TTLL12: variants seen among roughly 807,000 people sequenced by gnomAD.
TTLL12 encodes the protein tubulin--tyrosine ligase-like protein 12.
TTLL12 carries 77 observed loss-of-function variants against 79.6 expected under a neutral mutation model. That is an observed-to-expected ratio of 0.97 (90% confidence interval 0.81 to 1.17). The LOEUF is 1.17. Ranked by LOEUF, TTLL12 falls within the 50% of genes most tolerant of loss-of-function variation. TTLL12 has a pLI of 0.00. For synonymous variants in TTLL12, 437 were observed against 376.1 expected (o/e 1.16, Z -1.87); for missense variants, 969 against 895.9 (o/e 1.08, Z -1.04).
At chr22:43,168,534 C>T (rs911839511) in intron 13 of TTLL12, among the ~76,000 whole-genome samples, 4 of 152,150 alleles carry the variant, frequency 2.6e-5, no homozygotes, top group African/African-American at 4.8e-5. Flanking sequence ...GCCTTTCACA[C>T]GGGTCTCCTG....
rs1190605380 is a variant in TTLL12, at chr22:43,186,889, G to A, written c.177+4C>T. The A allele has an allele frequency of 1.6e-6, 2 of 1,283,124 alleles. No homozygotes were observed. The highest frequency in any genetic ancestry group is 4.2e-5 in the Admixed American group (1 of 23,768). 79.5% of individuals were successfully genotyped at this position (1,283,124 alleles called of 1,614,324 possible). On this transcript the variant is annotated splice_donor_region_variant and intron_variant, in intron 1 of 13. Transcript: ENST00000216129. The stretch of plus-strand genomic sequence containing the variant: ...CCGCACGTGCCCGCCGCCCTTCCCC[G>A]CACCTCGTGCTCCAGCTTGTGCAGG...
At chr22:43,183,958 T>A (rs764603097) in intron 1 of TTLL12, among the ~76,000 whole-genome samples, 80 of 152,242 alleles carry the variant, frequency 5.3e-4, no homozygotes, top group Non-Finnish European at 8.5e-4. Context: ...ATCCACACAA[T>A]GGGAATAACA....
At chr22:43,177,417 T>C (rs916146193) in intron 5 of TTLL12, among the ~76,000 whole-genome samples, 1 of 152,174 alleles carries the variant, frequency 6.6e-6, no homozygotes, top group Non-Finnish European at 1.5e-5. Context: ...ACAAACTCTT[T>C]GACACTATCT....
intron 13 of TTLL12, 122 bp downstream of exon 13, chr22:43,168,652 G>C (rs1308551656): frequency 7.2e-6 from 10 of 1,396,650 alleles, no homozygotes; most frequent in Non-Finnish European, 9.7e-6. Flanking sequence ...CCCCAACCCA[G>C]ATTCCTGGCT....
At chr22:43,171,559 C>A (rs576359360) in intron 11 of TTLL12, 278 of 425,474 alleles carry the variant, frequency 6.5e-4, no homozygotes, top group East Asian at 1.2e-4. Context: ...TGCTGCTGGA[C>A]CCATCCCCCT....
chr22:43,186,072 C>T, intron 1 of TTLL12: 1 of 952,250 alleles, frequency 1.1e-6, no homozygotes, highest in Non-Finnish European at 1.3e-6. Context: ...TCCTAGTTCC[C>T]GGCCCGGGTC....
rs1182303769 is a variant in TTLL12, at chr22:43,167,444, G to A, written c.*564C>T. The A allele has an allele frequency of 1.0e-5, 3 of 290,010 alleles. No individual in the cohort carries two copies. The highest frequency in any genetic ancestry group is 9.9e-5 in the Admixed American group (2 of 20,124). The allele number at this position is 290,010 out of a possible 1,614,324, so 18.0% of individuals were successfully genotyped here. ...TGATAAGGCGGGCTTGCTGGGTGGT[G>A]GCCTCAGGCTGTTCCTGGGCCCCTG... On this transcript the variant is annotated 3_prime_UTR_variant, in exon 14 of 14. Coordinates refer to ENST00000216129, the MANE Select transcript of TTLL12 (RefSeq NM_015140.4).
At chr22:43,171,971 C>G in intron 10 of TTLL12, 71 bp from the exon 11 acceptor site, 1 of 1,326,058 alleles carries the variant, frequency 7.5e-7, no homozygotes. Context: ...GTGCCACCCA[C>G]TCAGCCTTCC....
intron 9 of TTLL12, 132 bp from the exon 10 acceptor site, chr22:43,172,686 A>G: frequency 2.1e-6 from 2 of 949,628 alleles, no homozygotes; most frequent in Non-Finnish European, 1.5e-6. Flanking sequence ...AAACCTGCCT[A>G]AGTTGCTGCA....
chr22:43,172,576 T>C, intron 9 of TTLL12, 22 bp from the exon 10 acceptor site: 1 of 1,613,758 alleles, frequency 6.2e-7, no homozygotes, highest in South Asian at 1.1e-5. Context: ...AGGTGCAAGC[T>C]CGCTGGTGGC....
chr22:43,186,031 T>C (rs1447941903), intron 1 of TTLL12: 5 of 985,430 alleles, frequency 5.1e-6, no homozygotes, highest in Non-Finnish European at 6.0e-6. Context: ...TCAGAGACCG[T>C]AGAGTCTGGC....
rs1219697882 is a variant in TTLL12, at chr22:43,187,060, C to G, written c.10G>C (p.Glu4Gln). Residue 4 changes from glutamate (E) to glutamine (Q), a missense_variant, in exon 1 of 14, where the codon GAG becomes CAG. Physicochemically the swap from Glu to Gln is conservative, Grantham distance 29 (BLOSUM62 2). Transcript: ENST00000216129. ...GCAGGCCGGCGCTCGGGACCCCGCTCGGCCTCCATGGCGCCAGCACCCGCG... is the reference window on the plus strand; with the variant it reads ...GCAGGCCGGCGCTCGGGACCCCGCTGGGCCTCCATGGCGCCAGCACCCGCG... MEA[E>Q]RGPERRPAER... is the part of the protein sequence containing the mutation. 9 of 1,181,738 alleles carry G rather than the reference C, an allele frequency of 7.6e-6. No individual in the cohort carries two copies. The African/African-American group carries it at 9.7e-5, about 13-fold the overall frequency. 73.2% of individuals were successfully genotyped at this position (1,181,738 alleles called of 1,614,324 possible).
intron 6 of TTLL12, among the ~76,000 whole-genome samples, 153 bp downstream of exon 6, chr22:43,176,167 C>G (rs1378977287): frequency 5.3e-5 from 8 of 152,120 alleles, no homozygotes; most frequent in African/African-American, 1.9e-4. Context: ...AACTCCACTC[C>G]CTGCACGTGT....
At chr22:43,180,024 C>T in intron 3 of TTLL12, 24 bp from the exon 4 acceptor site, 2 of 1,554,574 alleles carry the variant, frequency 1.3e-6, no homozygotes, top group South Asian at 2.4e-5. Context: ...ACATATGGCA[C>T]CTCTCGCTCA....
chr22:43,174,063 T>C (rs940974807), intron 8 of TTLL12, 146 bp downstream of exon 8: 1 of 1,189,160 alleles, frequency 8.4e-7, no homozygotes, highest in Non-Finnish European at 1.2e-6. Context: ...CTGCGGTCCG[T>C]GAAGACGGCC....
At chr22:43,181,036 C>A in intron 2 of TTLL12, 96 bp from the exon 3 acceptor site, 1 of 1,370,122 alleles carries the variant, frequency 7.3e-7, no homozygotes, top group Non-Finnish European at 9.9e-7. Context: ...GGGACCAGGG[C>A]CCAAGCTTCC....
chr22:43,177,094 C>A (rs753465401), intron 5 of TTLL12, among the ~76,000 whole-genome samples: 1 of 152,154 alleles, frequency 6.6e-6, no homozygotes, highest in African/African-American at 2.4e-5. Flanking sequence ...CGTGGCTGCA[C>A]ATGGTGGCTC....
intron 11 of TTLL12, chr22:43,169,811 TG>T: frequency 5.0e-6 from 3 of 594,394 alleles, no homozygotes; most frequent in South Asian, 4.6e-5. Context: ...CTCTGTGAAA[TG>T]GGAAAATGTG....
chr22:43,179,656 C>T lies in TTLL12; in HGVS notation c.803G>A (p.Ser268Asn). Residue 268 changes from serine to asparagine, a missense_variant, in exon 5 of 14, where the codon AGC becomes AAC. Ser to Asn is a conservative substitution (Grantham distance 46). Transcript: ENST00000216129. ...PWAPTDMLDL[S>N]SCTPEPPAEH... ...GGCGGGCGGCTCGGGTGTGCAAGAG[C>T]TGAGGTCCAGCATGTCGGTGGGGGC... 1 of 1,585,870 alleles carries T rather than the reference C, an allele frequency of 6.3e-7. No individual in the cohort carries two copies. Among genetic ancestry groups the T allele is most frequent in the Non-Finnish European group, 8.6e-7 (1 of 1,166,104 alleles).
Sources: allele counts gnomAD v4.1 joint callset (sites outside exome capture counted in the v4.1 genomes callset), GRCh38; gene constraint gnomAD v4.1.1; transcripts MANE v1.5; gene names NCBI Gene and HGNC (gene_info 2026-07-23, HGNC 2026-07-21).